RBM39: variants seen among roughly 807,000 people sequenced by gnomAD.
RBM39 encodes RNA binding motif protein 39.
A neutral mutation model predicts 79.6 loss-of-function variants in RBM39; 12 were observed. The ratio of observed to expected loss-of-function variants is 0.15; its 90% CI spans 0.10 to 0.24. The LOEUF (loss-of-function observed/expected upper bound fraction) is 0.24, where lower values mean the gene tolerates loss of function less well. Ranked by LOEUF, RBM39 falls within the 10% of genes least tolerant of loss-of-function variation. RBM39 has a pLI of 1.00. For synonymous variants in RBM39, 185 were observed against 208.4 expected (o/e 0.89, Z 0.97); for missense variants, 243 against 653.4 (o/e 0.37, Z 6.85).
At chr20:35,709,755 G>T (rs549048998) in intron 12 of RBM39, among the ~76,000 whole-genome samples, 2 of 152,142 alleles carry the variant, frequency 1.3e-5, no homozygotes, top group Non-Finnish European at 2.9e-5. Flanking sequence ...AATTTAGGAA[G>T]AACATCACCA....
At chr20:35,713,290 C>G in intron 11 of RBM39, 194 bp from the exon 12 acceptor site, 1 of 465,690 alleles carries the variant, frequency 2.1e-6, no homozygotes, top group East Asian at 3.4e-5. Flanking sequence ...AGATCGAGAC[C>G]AACCTGGGCA....
intron 3 of RBM39, chr20:35,734,823 C>A (rs891327737): frequency 7.9e-6 from 11 of 1,394,312 alleles, no homozygotes; most frequent in Middle Eastern, 1.9e-4. Context: ...TTTCCAGCTT[C>A]AAAGAGCATT....
chr20:35,731,645 T>C, intron 4 of RBM39: 1 of 377,348 alleles, frequency 2.7e-6, no homozygotes, highest in Non-Finnish European at 4.8e-6. Context: ...TACAATGTCA[T>C]CTTTTTCAAG....
intron 10 of RBM39, 29 bp from the exon 11 acceptor site, chr20:35,714,418 G>A (rs574067655): frequency 6.3e-7 from 1 of 1,581,716 alleles, no homozygotes; most frequent in Non-Finnish European, 8.6e-7. Context: ...AAGGACAGGA[G>A]ACAGTGCTTT....
Position 35,713,104 on chromosome 20 carries a change from A to G in RBM39, c.1097-8T>C, listed in dbSNP as rs1363976714. 30 of 1,611,646 alleles carry G rather than the reference A, an allele frequency of 1.9e-5. No homozygotes were observed. Among genetic ancestry groups the G allele is most frequent in the African/African-American group, 8.0e-5 (6 of 74,788 alleles). Reference sequence around the variant, plus strand: ...GAATCTGCAAACCTGTACCTGTAAAAGAATAGTCTTAAAGTTCCTACTATG... The same window carrying G: ...GAATCTGCAAACCTGTACCTGTAAAGGAATAGTCTTAAAGTTCCTACTATG... On this transcript the variant is annotated splice_region_variant and splice_polypyrimidine_tract_variant and intron_variant, in intron 11 of 16. Coordinates refer to ENST00000253363, the MANE Select transcript of RBM39 (RefSeq NM_184234.3).
chr20:35,741,672 C>T (rs1417331573), intron 1 of RBM39: 1 of 152,242 alleles, frequency 6.6e-6, no homozygotes, highest in Non-Finnish European at 1.5e-5. Flanking sequence ...CAGCGTTCAA[C>T]TGGCGCCATG....
chr20:35,705,068 G>T, intron 15 of RBM39, 157 bp downstream of exon 15: 1 of 621,396 alleles, frequency 1.6e-6, no homozygotes, highest in South Asian at 1.9e-5. Flanking sequence ...TTTTATTTTG[G>T]AGGGTTTATT....
At chr20:35,732,211 T>C in intron 3 of RBM39, 76 bp from the exon 4 acceptor site, 1 of 1,287,534 alleles carries the variant, frequency 7.8e-7, no homozygotes, top group Non-Finnish European at 1.1e-6. Context: ...ATGGCCAGAA[T>C]CATTTTTTCA....
intron 3 of RBM39, among the ~76,000 whole-genome samples, chr20:35,733,354 T>C (rs916796282): frequency 2.7e-5 from 4 of 148,622 alleles, no homozygotes; most frequent in African/African-American, 7.5e-5. Context: ...ACACCTGTAA[T>C]CTCAGCACTT....
intron 6 of RBM39, among the ~76,000 whole-genome samples, chr20:35,728,085 C>G (rs1241656244): frequency 6.6e-6 from 1 of 152,156 alleles, no homozygotes; most frequent in Non-Finnish European, 1.5e-5. Flanking sequence ...CCGGGCCTGG[C>G]CTACAATTCT....
Position 35,742,139 on chromosome 20 carries a change from A to C in RBM39, c.-212T>G, listed in dbSNP as rs927350723. The C allele has an allele frequency of 3.1e-5, 5 of 162,382 alleles. No individual in the cohort carries two copies. Among genetic ancestry groups the C allele is most frequent in the African/African-American group, 9.6e-5 (4 of 41,464 alleles). 10.1% of individuals were successfully genotyped at this position (162,382 alleles called of 1,614,324 possible). On this transcript the variant is annotated 5_prime_UTR_variant, in exon 1 of 17. Transcript: ENST00000253363. ...CTAAAAAAAACAATGGAATTAGAGAAGCCCACGCGGGAGAGCAGGACGGCG... is the reference window on the plus strand; with the variant it reads ...CTAAAAAAAACAATGGAATTAGAGACGCCCACGCGGGAGAGCAGGACGGCG...
chr20:35,715,980 C>T (rs2425088), intron 10 of RBM39, among the ~76,000 whole-genome samples: 1 of 152,152 alleles, frequency 6.6e-6, no homozygotes, highest in Non-Finnish European at 1.5e-5. Flanking sequence ...CCACCACAGA[C>T]TCTGAGCAGC....
intron 8 of RBM39, 105 bp from the exon 9 acceptor site, chr20:35,721,982 T>A (rs563051278): frequency 7.6e-6 from 10 of 1,313,846 alleles, no homozygotes; most frequent in African/African-American, 4.4e-5. Flanking sequence ...GTGATAAAAA[T>A]ACTACCCTAC....
rs374963405 is a variant in RBM39 at position 35,728,454 on chromosome 20, T to C, written c.416+858A>G. Among the ~76,000 whole-genome samples, 4 of 152,310 alleles carry C rather than the reference T, an allele frequency of 2.6e-5. No individual in the cohort carries two copies. The East Asian group carries it at 7.7e-4, about 29-fold the overall frequency. On this transcript the variant is annotated intron_variant, in intron 6 of 16. Coordinates refer to ENST00000253363, the MANE Select transcript of RBM39 (RefSeq NM_184234.3). ...AAAATAATAAATGCAAAAAGTTTAT[T>C]TTAATTAAAATAGGAAAATAAGATT... is the stretch of plus-strand genomic sequence containing the variant.
chr20:35,730,848 ATTAAAAAG>A (rs1424775554), intron 4 of RBM39, among the ~76,000 whole-genome samples: 1 of 152,192 alleles, frequency 6.6e-6, no homozygotes, highest in African/African-American at 2.4e-5. Flanking sequence ...ATTTTCAGCT[ATTAAAAAG>A]TTAATGAAAT....
Position 35,725,039 on chromosome 20 carries a change from T to C in RBM39, c.533A>G (p.Lys178Arg), listed in dbSNP as rs1569037959. Residue 178 changes from lysine (K) to arginine (R), a missense_variant and splice_region_variant, in exon 7 of 17, where the codon AAG (lysine) becomes AGG (arginine). Transcript: ENST00000253363. The stretch of plus-strand genomic sequence containing the variant: ...CCTCCCTAAACAGGTTAAGATTACC[T>C]TTCCTACTGTAGAGAAAAACTCTTC... ...DLEEFFSTVG[K>R]VRDVRMISDR... is the part of the protein sequence containing the mutation. 6.2e-7 allele frequency: 1 copy of C among 1,604,582 alleles called. No homozygotes were observed. The highest frequency in any genetic ancestry group is 8.5e-7 in the Non-Finnish European group (1 of 1,174,390).
At chr20:35,727,387 C>T (rs2038845559) in intron 6 of RBM39, among the ~76,000 whole-genome samples, 1 of 145,896 alleles carries the variant, frequency 6.9e-6, no homozygotes, top group Non-Finnish European at 1.5e-5. Flanking sequence ...CAAATGCTTT[C>T]TAGCCGGGGG....
chr20:35,725,828 T>C (rs1243177037), intron 6 of RBM39, among the ~76,000 whole-genome samples: 1 of 151,758 alleles, frequency 6.6e-6, no homozygotes, highest in Non-Finnish European at 1.5e-5. Flanking sequence ...CACACCCAGC[T>C]AATTTTTGTA....
rs773721890 is a variant in RBM39 at position 35,729,361 on chromosome 20, G to C, written c.367C>G (p.Arg123Gly). The change falls in exon 6 of 17, where the codon CGA becomes GGA. Residue 123 changes from arginine to glycine, a missense_variant. This residue lies in a region of RBM39 where 115 missense variants were observed against 184.1 expected (regional missense o/e 0.62). Transcript: ENST00000253363. ...AATGGACTTTTGCTTCGGGAACGTC[G>C]TCTGCTGCAAAGTTAAAAAGTTTCA... is the stretch of plus-strand genomic sequence containing the variant. ...GLPHSIKLSR[R>G]RSRSKSPFRK... 38 of 1,605,666 alleles carry C rather than the reference G, an allele frequency of 2.4e-5. 1 individual carries two copies. In the South Asian group the frequency reaches 3.8e-4, roughly 16 times the overall value.
Sources: allele counts gnomAD v4.1 joint callset (sites outside exome capture counted in the v4.1 genomes callset), GRCh38; gene constraint gnomAD v4.1.1; regional missense constraint gnomAD v4.1.1; transcripts MANE v1.5; gene names NCBI Gene and HGNC (gene_info 2026-07-23, HGNC 2026-07-21).